The following FHL2 variants were observed in gnomAD, a reference collection of about 807,000 sequenced individuals.
The protein encoded by FHL2 is four and a half LIM domains protein 2.
In FHL2, 20 loss-of-function variants were observed where a neutral mutation model predicts 32.7. The observed-to-expected ratio is 0.61, with a 90% CI of 0.43 to 0.89. The LOEUF (loss-of-function observed/expected upper bound fraction) is 0.89. Among genes scored for constraint, FHL2 ranks in the 40% least tolerant of loss-of-function variants. The pLI is 0.00. For missense variants in FHL2, 311 were observed against 358.6 expected (o/e 0.87, Z 1.07); for synonymous variants, 123 against 128.1 (o/e 0.96, Z 0.27).
At chr2:105,394,841 AAAAT>A (rs1452254065) in intron 2 of FHL2, among the ~76,000 whole-genome samples, 1 of 152,270 alleles carries the variant, frequency 6.6e-6, no homozygotes, top group Non-Finnish European at 1.5e-5. Flanking sequence ...CAACTTAAAA[AAAAT>A]AAATAAACAT....
intron 2 of FHL2, chr2:105,390,179 T>C (rs578040007): frequency 2.5e-5 from 4 of 156,880 alleles, no homozygotes; most frequent in South Asian, 1.9e-4. Flanking sequence ...TGCAGTGAGC[T>C]GAGATCGTGC....
At chr2:105,420,616 A>C (rs546905222) in intron 1 of FHL2, among the ~76,000 whole-genome samples, 1 of 152,282 alleles carries the variant, frequency 6.6e-6, no homozygotes, top group East Asian at 1.9e-4. Context: ...GGCGAGGAGG[A>C]ACTAGTGCAG....
chr2:105,361,325 C>G lies in FHL2; in HGVS notation c.798G>C (p.Glu266Asp), dbSNP rs781430211. 6.8e-6 allele frequency: 11 copies of G among 1,614,154 alleles called. No homozygotes were observed. Among genetic ancestry groups the G allele is most frequent in the Non-Finnish European group, 9.3e-6 (11 of 1,179,984 alleles). Residue 266 changes from glutamate (E) to aspartate (D), a missense_variant, in exon 7 of 7, where the codon GAG (glutamate) becomes GAC (aspartate). By Grantham distance (45) the Glu-to-Asp change is conservative. Transcript: ENST00000530340. ...LSLVGRGFLT[E>D]RDDILCPDCG... is the part of the protein sequence containing the mutation. ...AGTCGGGGCACAGGATGTCGTCCCT[C>G]TCTGTGAGGAAGCCACGCCCCACCA...
intron 4 of FHL2, among the ~76,000 whole-genome samples, chr2:105,371,514 G>A (rs1171796577): frequency 6.8e-6 from 1 of 148,082 alleles, no homozygotes; most frequent in African/African-American, 2.5e-5. Flanking sequence ...CAGACTTACC[G>A]CCTCCACAAT....
intron 1 of FHL2, among the ~76,000 whole-genome samples, chr2:105,432,912 G>A (rs1558736890): frequency 6.6e-6 from 1 of 152,210 alleles, no homozygotes; most frequent in African/African-American, 2.4e-5. Flanking sequence ...GATTGCAGAA[G>A]GGAAAAGTAC....
chr2:105,385,971 C>A (rs1239568760), intron 3 of FHL2: 3 of 353,822 alleles, frequency 8.5e-6, no homozygotes, highest in Admixed American at 9.1e-5. Context: ...CACATTCATT[C>A]ATCAAATATT....
chr2:105,432,278 G>C (rs1239083328), intron 1 of FHL2, among the ~76,000 whole-genome samples: 1 of 152,176 alleles, frequency 6.6e-6, no homozygotes, highest in Non-Finnish European at 1.5e-5. Context: ...GAGAAACAGG[G>C]ACCTAAAAGG....
chr2:105,432,808 AC>A (rs760800399), intron 1 of FHL2, among the ~76,000 whole-genome samples: 4 of 152,230 alleles, frequency 2.6e-5, no homozygotes, highest in South Asian at 4.1e-4. Flanking sequence ...AAATGTTAAT[AC>A]TGATTGCGTC....
intron 5 of FHL2, 77 bp from the exon 6 acceptor site, chr2:105,363,548 C>A: frequency 7.5e-7 from 1 of 1,341,342 alleles, no homozygotes; most frequent in Middle Eastern, 2.4e-4. Flanking sequence ...TGCCACTGGA[C>A]GATGCAAGAT....
At chr2:105,415,567 T>C (rs1465011221) in intron 1 of FHL2, among the ~76,000 whole-genome samples, 1 of 152,216 alleles carries the variant, frequency 6.6e-6, no homozygotes, top group Non-Finnish European at 1.5e-5. Flanking sequence ...ATAACACTTT[T>C]AAACAGAGAT....
At chr2:105,422,019 G>T (rs948314655) in intron 1 of FHL2, among the ~76,000 whole-genome samples, 1 of 152,210 alleles carries the variant, frequency 6.6e-6, no homozygotes, top group Non-Finnish European at 1.5e-5. Context: ...CATTGGCAGC[G>T]TAGCTCAGAG....
chr2:105,395,180 C>T (rs1683036474), intron 2 of FHL2, among the ~76,000 whole-genome samples: 1 of 152,166 alleles, frequency 6.6e-6, no homozygotes, highest in Non-Finnish European at 1.5e-5. Context: ...TTTAAGATCC[C>T]ATCTTGTCAT....
intron 4 of FHL2, among the ~76,000 whole-genome samples, chr2:105,369,262 G>T (rs973446268): frequency 5.3e-5 from 8 of 152,186 alleles, no homozygotes; most frequent in Admixed American, 1.3e-4. Context: ...AGTAACACAG[G>T]TGGCTTATAG....
chr2:105,365,570 G>T lies in FHL2; in HGVS notation c.501+2000C>A, dbSNP rs761140430. 1.1e-4 allele frequency among the ~76,000 whole-genome samples: 16 copies of T among 151,800 alleles called. 2 individuals carry two copies. The highest frequency in any genetic ancestry group is 6.4e-3 in the Middle Eastern group (2 of 314). On this transcript the variant is annotated intron_variant, in intron 5 of 6. Coordinates refer to ENST00000530340, the MANE Select transcript of FHL2 (RefSeq NM_001318895.3). Reference sequence around the variant, plus strand: ...AAAAAGGGGAGAGAACAGGGAAGAGGGTTCCTAAAATAAAAGCAGGAATGA... The same window carrying T: ...AAAAAGGGGAGAGAACAGGGAAGAGTGTTCCTAAAATAAAAGCAGGAATGA...
chr2:105,401,503 A>G (rs1290838068), upstream of FHL2, among the ~76,000 whole-genome samples: 1 of 152,060 alleles, frequency 6.6e-6, no homozygotes, highest in Admixed American at 6.6e-5. Flanking sequence ...TGAACATACC[A>G]TTTTCTCTTT....
At chr2:105,401,132 T>G (rs1683455673), upstream of FHL2, among the ~76,000 whole-genome samples, 1 of 151,872 alleles carries the variant, frequency 6.6e-6, no homozygotes, top group Admixed American at 6.6e-5. Context: ...AAATCAATTT[T>G]TATGAGACAA....
intron 1 of FHL2, among the ~76,000 whole-genome samples, chr2:105,433,167 ATTC>A (rs142202715): frequency 0.22 from 31,356 of 144,968 alleles, 3,109 homozygotes; most frequent in African/African-American, 0.27. Context: ...CAAAGTCCTC[ATTC>A]TTCTTCTTCT....
intron 5 of FHL2, among the ~76,000 whole-genome samples, chr2:105,366,551 T>C (rs17030821): frequency 0.057 from 8,695 of 152,168 alleles, 822 homozygotes; most frequent in African/African-American, 0.2. Context: ...CTGGAAGCTA[T>C]AGCATAATAA....
rs547230291 is a variant in FHL2, at chr2:105,368,545, C to A, written c.332-806G>T. ...CCCATTTAGTAATTGCCTAAACCTA[C>A]GCCATCCATTGTCTTTTGAATAACT... On this transcript the variant is annotated intron_variant, in intron 4 of 6. Coordinates refer to ENST00000530340, the MANE Select transcript of FHL2 (RefSeq NM_001318895.3). Among the ~76,000 whole-genome samples the A allele has an allele frequency of 3.7e-4, 57 of 152,278 alleles. 1 individual carries two copies. Among genetic ancestry groups the A allele is most frequent in the Admixed American group, 2.2e-3 (33 of 15,298 alleles).
Sources: allele counts gnomAD v4.1 joint callset (sites outside exome capture counted in the v4.1 genomes callset), GRCh38; gene constraint gnomAD v4.1.1; transcripts MANE v1.5; gene names NCBI Gene and HGNC (gene_info 2026-07-23, HGNC 2026-07-21).